The following RBBP8 variants were observed in gnomAD, a reference collection of about 807,000 sequenced individuals.
The protein encoded by RBBP8 is RB binding protein 8, endonuclease.
In RBBP8, 88 loss-of-function variants were observed where a neutral mutation model predicts 108.3. The ratio of observed to expected loss-of-function variants is 0.81; its 90% CI spans 0.68 to 0.97. The LOEUF is 0.97. Among genes scored for constraint, RBBP8 ranks in the 50% least tolerant of loss-of-function variants. RBBP8 has a pLI of 0.00. For synonymous variants in RBBP8, 332 were observed against 348.2 expected, an observed-to-expected ratio of 0.95 and a Z score of 0.52; for missense variants, 1,023 against 1,049.0, an observed-to-expected ratio of 0.98 and a Z score of 0.34.
intron 2 of RBBP8, 165 bp from the exon 3 acceptor site, chr18:22,946,279 G>A: frequency 1.3e-6 from 1 of 777,858 alleles, no homozygotes; most frequent in East Asian, 2.8e-5. Flanking sequence ...GCAATACATT[G>A]CAGATATGCT....
chr18:22,998,015 G>A (rs183898385), intron 14 of RBBP8, among the ~76,000 whole-genome samples: 23 of 152,292 alleles, frequency 1.5e-4, no homozygotes, highest in African/African-American at 5.1e-4. Context: ...CCAGAGCACA[G>A]CCTTATTCAT....
chr18:22,930,436 A>AT (rs1206246384), upstream of RBBP8, among the ~76,000 whole-genome samples: 17 of 152,226 alleles, frequency 1.1e-4, no homozygotes, highest in African/African-American at 3.9e-4. Flanking sequence ...AAGCCACAAC[A>AT]TATGAGAAAC....
chr18:22,945,027 T>C (rs1304920503), intron 2 of RBBP8, among the ~76,000 whole-genome samples: 1 of 152,236 alleles, frequency 6.6e-6, no homozygotes, highest in Non-Finnish European at 1.5e-5. Context: ...TGAAAAACTT[T>C]TCTGATTTAT....
rs991497127 is a variant in RBBP8 at position 22,993,502 on chromosome 18, A to C, written c.1675A>C (p.Ile559Leu). Reference sequence around the variant, plus strand: ...AGGGGAGCCCTGTTCACAGGAATGCATCATCCTTCAGCCCTTGAATAAATG... The same window carrying C: ...AGGGGAGCCCTGTTCACAGGAATGCCTCATCCTTCAGCCCTTGAATAAATG... ...SPGEPCSQEC[I>L]ILQPLNKCSP... The change falls in exon 11 of 19, where the codon ATC becomes CTC. Residue 559 changes from isoleucine (I) to leucine (L), a missense_variant. Coordinates refer to ENST00000327155, the MANE Select transcript of RBBP8 (RefSeq NM_002894.3). 1 of 1,613,878 alleles carries C rather than the reference A, an allele frequency of 6.2e-7. No individual in the cohort carries two copies.
At chr18:23,019,910 T>C (rs6507435) in intron 17 of RBBP8, among the ~76,000 whole-genome samples, 109,817 of 150,634 alleles carry the variant, frequency 0.73, 40,391 homozygotes, top group Middle Eastern at 0.9. Context: ...TACAGGCGCC[T>C]GCCACCACGC....
chr18:22,940,299 C>G (rs1910968375), intron 2 of RBBP8, among the ~76,000 whole-genome samples: 2 of 146,044 alleles, frequency 1.4e-5, no homozygotes, highest in South Asian at 4.3e-4. Context: ...GGATACCTTT[C>G]TATTAGTGTC....
chr18:22,992,580 T>C (rs1915773221), intron 10 of RBBP8, among the ~76,000 whole-genome samples, 168 bp from the exon 11 acceptor site: 1 of 152,236 alleles, frequency 6.6e-6, no homozygotes, highest in Admixed American at 6.5e-5. Context: ...TGAGAAATAC[T>C]TCCTATGTCA....
rs150514897 is a variant in RBBP8, at chr18:22,948,629, A to G, written c.153-989A>G. ...TTTGGCTTAGTTGTTTTACTCATCT[A>G]TTTTGGTGCCAGTGACACTATATTC... On this transcript the variant is annotated intron_variant, in intron 3 of 18. Coordinates refer to ENST00000327155, the MANE Select transcript of RBBP8 (RefSeq NM_002894.3). Among the ~76,000 whole-genome samples, 71 of 152,222 alleles carry G rather than the reference A, an allele frequency of 4.7e-4. 1 individual carries two copies. The highest frequency in any genetic ancestry group is 2.6e-4 in the Non-Finnish European group (18 of 67,974).
Position 22,968,886 on chromosome 18 carries a change from G to A in RBBP8, c.329G>A (p.Arg110Gln), listed in dbSNP as rs149842490. 1,226 of 1,612,866 alleles carry A rather than the reference G, an allele frequency of 7.6e-4. 2 individuals carry two copies. Among genetic ancestry groups the A allele is most frequent in the Non-Finnish European group, 9.9e-4 (1,168 of 1,179,180 alleles). Residue 110 changes from arginine (R) to glutamine (Q), a missense_variant, in exon 5 of 19, where the codon CGG (arginine) becomes CAG (glutamine). By Grantham distance (43) the Arg-to-Gln change is conservative. Transcript: ENST00000327155. The stretch of plus-strand genomic sequence containing the variant: ...AAACAGCAAGAGTTTGAAAATATCC[G>A]GCAGCAGAATCTTAAACTTATTACA... ...RKKQQEFENI[R>Q]QQNLKLITEL...
intron 4 of RBBP8, among the ~76,000 whole-genome samples, chr18:22,965,248 G>A (rs1310184291): frequency 1.3e-5 from 2 of 151,640 alleles, no homozygotes; most frequent in South Asian, 2.1e-4. Flanking sequence ...TAATTTATAA[G>A]CATTTCTCAG....
chr18:23,012,208 C>CAAAAAAAAAAAAAAAA (rs56096515), intron 16 of RBBP8, among the ~76,000 whole-genome samples: 1 of 109,616 alleles, frequency 9.1e-6, no homozygotes, highest in Non-Finnish European at 1.7e-5. Context: ...ATGCTGTCTC[C>CAAAAAAAAAAAAAAAA]AAAAAAAAAA....
In RBBP8 at chr18:22,991,030, A is replaced by T; in HGVS notation, c.901A>T (p.Asn301Tyr). The change falls in exon 10 of 19, where the codon AAT (asparagine) becomes TAT (tyrosine). Residue 301 changes from asparagine (N) to tyrosine (Y), a missense_variant. Asn to Tyr is a moderately radical substitution (Grantham distance 143). Transcript: ENST00000327155. ...KKQPFEESTR[N>Y]TEDSLRFSDS... is the part of the protein sequence containing the mutation. Reference sequence around the variant, plus strand: ...ACAGCCTTTTGAGGAATCTACAAGAAATACTGAAGATAGTTTAAGGTAATT... The same window carrying T: ...ACAGCCTTTTGAGGAATCTACAAGATATACTGAAGATAGTTTAAGGTAATT... 1.2e-6 allele frequency: 2 copies of T among 1,611,744 alleles called. No individual in the cohort carries two copies. Among genetic ancestry groups the T allele is most frequent in the Non-Finnish European group, 1.7e-6 (2 of 1,178,060 alleles).
At chr18:22,997,581 T>C in intron 13 of RBBP8, 39 bp from the exon 14 acceptor site, 2 of 1,229,118 alleles carry the variant, frequency 1.6e-6, no homozygotes, top group South Asian at 1.3e-5. Flanking sequence ...CATAAAGGAA[T>C]AATTGTTAAA....
intron 1 of RBBP8, among the ~76,000 whole-genome samples, chr18:22,935,715 G>A (rs1910516424): frequency 1.3e-5 from 2 of 152,136 alleles, no homozygotes; most frequent in African/African-American, 4.8e-5. Context: ...TTAAGTTGTA[G>A]CTAATTAATG....
rs1273865615 is a variant in RBBP8, at chr18:22,940,242, T to C, written c.109+3282T>C. Among the ~76,000 whole-genome samples, 18 of 152,034 alleles carry C rather than the reference T, an allele frequency of 1.2e-4. No homozygotes were observed. The East Asian group carries it at 3.1e-3, about 26-fold the overall frequency. On this transcript the variant is annotated intron_variant, in intron 2 of 18. Coordinates refer to ENST00000327155, the MANE Select transcript of RBBP8 (RefSeq NM_002894.3). ...TGCATTGAATCTGTAGATTGCTTTA[T>C]ATAGTATTGACATCTTAACAATATT... is the stretch of plus-strand genomic sequence containing the variant.
intron 6 of RBBP8, chr18:22,977,960 T>C (rs2144634746): frequency 6.6e-6 from 1 of 152,302 alleles, no homozygotes; most frequent in Middle Eastern, 3.4e-3. Context: ...CTTCAACTCT[T>C]CAAACTGTGA....
intron 6 of RBBP8, 28 bp downstream of exon 6, chr18:22,975,247 T>G: frequency 6.2e-7 from 1 of 1,610,590 alleles, no homozygotes; most frequent in Non-Finnish European, 8.5e-7. Context: ...ACCTTGTTAT[T>G]TTATTTTATT....
intron 16 of RBBP8, among the ~76,000 whole-genome samples, chr18:23,014,507 C>T (rs1476094674): frequency 6.6e-6 from 1 of 152,118 alleles, no homozygotes; most frequent in East Asian, 1.9e-4. Context: ...GTGGCTTGCA[C>T]CTGTAGTCCT....
At chr18:23,003,628 A>C (rs573515670) in intron 15 of RBBP8, among the ~76,000 whole-genome samples, 2 of 152,324 alleles carry the variant, frequency 1.3e-5, no homozygotes, top group South Asian at 4.1e-4. Context: ...ACATCTTAGG[A>C]GTCAAGTCCC....
Sources: allele counts gnomAD v4.1 joint callset (sites outside exome capture counted in the v4.1 genomes callset), GRCh38; gene constraint gnomAD v4.1.1; transcripts MANE v1.5; gene names NCBI Gene and HGNC (gene_info 2026-07-23, HGNC 2026-07-21).